NAALADL2: variants seen among roughly 807,000 people sequenced by gnomAD.
NAALADL2 encodes the protein inactive N-acetylated-alpha-linked acidic dipeptidase-like protein 2.
In NAALADL2, 76 loss-of-function variants were observed where a neutral mutation model predicts 87.2. The ratio of observed to expected loss-of-function variants is 0.87; its 90% CI spans 0.72 to 1.05. The LOEUF (loss-of-function observed/expected upper bound fraction) is 1.05. Among genes scored for constraint, NAALADL2 ranks in the 50% least tolerant of loss-of-function variants. The probability of loss-of-function intolerance (pLI) is 0.00; values close to 1 mark genes in which losing one functional copy is unlikely to be tolerated. For synonymous variants in NAALADL2, 354 were observed against 331.0 expected (o/e 1.07, Z -0.75); for missense variants, 1,089 against 945.8 (o/e 1.15, Z -1.99).
At chr3:174,699,417 C>T (rs1729342943) in intron 2 of NAALADL2, among the ~76,000 whole-genome samples, 1 of 151,522 alleles carries the variant, frequency 6.6e-6, no homozygotes. Context: ...TCCCTTGAAC[C>T]TGGGAGGCGG....
At chr3:174,603,254 G>A (rs1429310928) in intron 2 of NAALADL2, among the ~76,000 whole-genome samples, 2 of 152,058 alleles carry the variant, frequency 1.3e-5, no homozygotes, top group East Asian at 3.9e-4. Context: ...TTTCTTTGCT[G>A]AGAGACTTTT....
At chr3:175,513,119 T>A (rs563381056) in intron 9 of NAALADL2, among the ~76,000 whole-genome samples, 1 of 152,318 alleles carries the variant, frequency 6.6e-6, no homozygotes, top group East Asian at 1.9e-4. Context: ...TAGAAGTGAA[T>A]AGCAGTGTAC....
intron 1 of NAALADL2, among the ~76,000 whole-genome samples, chr3:174,958,320 A>T (rs770277682): frequency 6.6e-6 from 1 of 151,930 alleles, no homozygotes; most frequent in African/African-American, 2.4e-5. Context: ...CCCAATAGCT[A>T]TTTATTGAAT....
chr3:174,680,827 A>G (rs1471203432), intron 2 of NAALADL2, among the ~76,000 whole-genome samples: 3 of 152,210 alleles, frequency 2.0e-5, no homozygotes, highest in Non-Finnish European at 2.9e-5. Flanking sequence ...GGAACACCAA[A>G]TTTAATAACT....
At chr3:174,960,194 G>C (rs530337036) in intron 1 of NAALADL2, among the ~76,000 whole-genome samples, 1 of 152,090 alleles carries the variant, frequency 6.6e-6, no homozygotes, top group South Asian at 2.1e-4. Flanking sequence ...ACTTTAATAA[G>C]GTGCTAAACT....
chr3:174,761,774 G>A (rs1710235), intron 3 of NAALADL2, among the ~76,000 whole-genome samples: 1 of 114,088 alleles, frequency 8.8e-6, no homozygotes, highest in Non-Finnish European at 1.8e-5. Flanking sequence ...CCCACCCCAC[G>A]ACAGTCCCTG....
chr3:175,725,186 T>C (rs1005846270), intron 11 of NAALADL2, among the ~76,000 whole-genome samples: 3 of 152,126 alleles, frequency 2.0e-5, no homozygotes, highest in Non-Finnish European at 2.9e-5. Context: ...TGGTGCATTA[T>C]GTATGCTTGT....
rs570468402 is a variant in NAALADL2, at chr3:174,646,055, G to A, written c.-114-91586G>A. ...TTCCTAAATATGTTTATTTCTTAAT[G>A]AGAAAGTTATAATGTGGTCTTTCAA... On this transcript the variant is annotated intron_variant, in intron 2 of 3. Coordinates refer to the NAALADL2 transcript ENST00000434257. Among the ~76,000 whole-genome samples the A allele has an allele frequency of 1.7e-4, 26 of 152,254 alleles. No individual in the cohort carries two copies. The South Asian group carries it at 3.5e-3, about 21-fold the overall frequency.
chr3:175,400,579 C>T (rs1770435768), intron 5 of NAALADL2, among the ~76,000 whole-genome samples: 1 of 152,064 alleles, frequency 6.6e-6, no homozygotes, highest in Non-Finnish European at 1.5e-5. Context: ...AAATGAACTA[C>T]AACAAAGCAT....
intron 1 of NAALADL2, among the ~76,000 whole-genome samples, chr3:174,875,507 G>A (rs1307407265): frequency 1.3e-5 from 2 of 152,114 alleles, no homozygotes; most frequent in East Asian, 3.8e-4. Context: ...GGTTTTGTCA[G>A]ATTTTGATAG....
Position 175,803,270 on chromosome 3 carries a change from T to C in NAALADL2, c.*67T>C. ...AAGCAAAAGCTCTAATTTAACCAGA[T>C]TTTCTGACATTGAAGGCTTATTTTC... On this transcript the variant is annotated 3_prime_UTR_variant, in exon 14 of 14. Transcript: ENST00000454872. The C allele has an allele frequency of 1.7e-6, 2 of 1,182,604 alleles. No individual in the cohort carries two copies. The highest frequency in any genetic ancestry group is 1.2e-6 in the Non-Finnish European group (1 of 851,112). The allele number at this position is 1,182,604 out of a possible 1,614,324, so 73.3% of individuals were successfully genotyped here.
intron 1 of NAALADL2, among the ~76,000 whole-genome samples, chr3:175,093,204 C>T (rs1720467584): frequency 6.6e-6 from 1 of 151,424 alleles, no homozygotes; most frequent in African/African-American, 2.4e-5. Flanking sequence ...GAATATTTGT[C>T]TTTAAATATA....
intron 11 of NAALADL2, among the ~76,000 whole-genome samples, chr3:175,723,461 T>C (rs1299277053): frequency 6.6e-6 from 1 of 152,138 alleles, no homozygotes; most frequent in Admixed American, 6.6e-5. Context: ...ATATTATACT[T>C]TTTGGTGATG....
chr3:175,053,372 C>T (rs754844113), intron 1 of NAALADL2, among the ~76,000 whole-genome samples: 19 of 152,124 alleles, frequency 1.2e-4, no homozygotes, highest in South Asian at 2.1e-4. Flanking sequence ...GGTTTTCTTC[C>T]GCCATCTGTG....
At chr3:174,491,175 A>G (rs1718169926) in intron 1 of NAALADL2, among the ~76,000 whole-genome samples, 1 of 152,108 alleles carries the variant, frequency 6.6e-6, no homozygotes, top group African/African-American at 2.4e-5. Flanking sequence ...ACCTCAGATC[A>G]CCATGACCTG....
At chr3:174,981,747 C>T (rs924335853) in intron 1 of NAALADL2, among the ~76,000 whole-genome samples, 1 of 151,950 alleles carries the variant, frequency 6.6e-6, no homozygotes, top group Non-Finnish European at 1.5e-5. Flanking sequence ...TTAGGCAGTA[C>T]AGTGTCAGTT....
At chr3:174,841,104 T>A (rs189254513) in intron 3 of NAALADL2, among the ~76,000 whole-genome samples, 640 of 152,054 alleles carry the variant, frequency 4.2e-3, no homozygotes, top group Middle Eastern at 0.02. Flanking sequence ...AAATAAAAAG[T>A]AATAACAAAT....
intron 2 of NAALADL2, among the ~76,000 whole-genome samples, chr3:174,707,700 C>T (rs920962898): frequency 3.3e-5 from 5 of 151,334 alleles, no homozygotes; most frequent in Non-Finnish European, 5.9e-5. Context: ...ATGTGAATGA[C>T]GAGTTACTGG....
At chr3:174,897,614 C>T (rs1731711486) in intron 1 of NAALADL2, among the ~76,000 whole-genome samples, 1 of 152,136 alleles carries the variant, frequency 6.6e-6, no homozygotes, top group South Asian at 2.1e-4. Context: ...TTGGAGGTTC[C>T]TCAGAAAACT....
Sources: allele counts gnomAD v4.1 joint callset (sites outside exome capture counted in the v4.1 genomes callset), GRCh38; gene constraint gnomAD v4.1.1; transcripts MANE v1.5; gene names NCBI Gene and HGNC (gene_info 2026-07-23, HGNC 2026-07-21).